Variants in C3orf49 observed in about 807,000 individuals in gnomAD.
C3orf49 encodes the protein chromosome 3 open reading frame 49.
C3orf49 carries 27 observed loss-of-function variants against 13.3 expected under a neutral mutation model. That is an observed-to-expected ratio of 2.02 (90% CI 1.49 to 2.79). The LOEUF is 2.79. Among genes scored for constraint, C3orf49 ranks in the 30% most tolerant of loss-of-function variants. The pLI, the probability that C3orf49 is intolerant of heterozygous loss-of-function variation, is 0.00. For missense variants in C3orf49, 242 were observed against 134.2 expected (o/e 1.80, Z -3.97); for synonymous variants, 87 against 47.6 (o/e 1.83, Z -3.40).
the C3orf49 span, among the ~76,000 whole-genome samples, chr3:63,797,470 C>A: frequency 6.6e-6 from 1 of 152,088 alleles, no homozygotes; most frequent in Admixed American, 6.6e-5. Flanking sequence ...GCTGTGAGAA[C>A]CCAGTAGAGT....
At chr3:63,814,621 A>G (rs2107084486), upstream of C3orf49, among the ~76,000 whole-genome samples, 1 of 152,248 alleles carries the variant, frequency 6.6e-6, no homozygotes, top group South Asian at 2.1e-4. Flanking sequence ...AGGGACATTT[A>G]CAAATGTCCG....
the C3orf49 span, among the ~76,000 whole-genome samples, chr3:63,787,732 T>C: frequency 2.6e-5 from 4 of 152,138 alleles, no homozygotes; most frequent in African/African-American, 9.7e-5. Flanking sequence ...TTAGATTCTT[T>C]TTCTGTTTGT....
intron 5 of C3orf49, chr3:63,833,549 G>C (rs1397077177): frequency 6.6e-6 from 1 of 152,114 alleles, no homozygotes; most frequent in Non-Finnish European, 1.5e-5. Context: ...TCATATTAAG[G>C]AGAGATATAT....
chr3:63,803,830 C>T, the C3orf49 span, among the ~76,000 whole-genome samples: 7 of 152,008 alleles, frequency 4.6e-5, no homozygotes, highest in Non-Finnish European at 8.8e-5. Context: ...ATTTACTGTG[C>T]ACTTTATTTC....
the C3orf49 span, among the ~76,000 whole-genome samples, chr3:63,814,286 C>T: frequency 3.3e-5 from 5 of 152,180 alleles, no homozygotes; most frequent in African/African-American, 1.2e-4. Context: ...TTTAAATGTG[C>T]GAGTCTTCTT....
At chr3:63,812,085 T>A in the C3orf49 span, among the ~76,000 whole-genome samples, 1 of 152,130 alleles carries the variant, frequency 6.6e-6, no homozygotes, top group South Asian at 2.1e-4. Context: ...TCTGGGAATG[T>A]GGGCTGAGTT....
chr3:63,817,145 C>T (rs1327064190), upstream of C3orf49, among the ~76,000 whole-genome samples: 1 of 152,014 alleles, frequency 6.6e-6, no homozygotes, highest in Non-Finnish European at 1.5e-5. Context: ...GTTTCATCTG[C>T]CTGGGTCACA....
the C3orf49 span, among the ~76,000 whole-genome samples, chr3:63,797,623 C>T: frequency 6.6e-6 from 1 of 152,110 alleles, no homozygotes; most frequent in Non-Finnish European, 1.5e-5. Flanking sequence ...TCTATGGTTC[C>T]AGAAGCTTCT....
chr3:63,824,041 TC>T (rs1701435475), intron 2 of C3orf49, among the ~76,000 whole-genome samples: 2 of 152,196 alleles, frequency 1.3e-5, no homozygotes, highest in South Asian at 4.2e-4. Flanking sequence ...CTTCAGGTGA[TC>T]CGTTCGCCTC....
chr3:63,803,581 A>G, the C3orf49 span, among the ~76,000 whole-genome samples: 1 of 152,194 alleles, frequency 6.6e-6, no homozygotes, highest in Non-Finnish European at 1.5e-5. Flanking sequence ...CATAAGCTTC[A>G]TGTTCACATT....
intron 5 of C3orf49, chr3:63,834,030 A>G (rs1326958066): frequency 8.8e-7 from 1 of 1,140,024 alleles, no homozygotes; most frequent in East Asian, 2.5e-5. Context: ...AGAGTATTTT[A>G]CTGCCAAAAC....
At chr3:63,836,774 C>T (rs189789991) in intron 5 of C3orf49, among the ~76,000 whole-genome samples, 17 of 151,948 alleles carry the variant, frequency 1.1e-4, no homozygotes, top group Admixed American at 3.3e-4. Context: ...CAGCAAATTA[C>T]ACTTCTCACT....
At chr3:63,811,329 C>T in the C3orf49 span, among the ~76,000 whole-genome samples, 2 of 150,594 alleles carry the variant, frequency 1.3e-5, no homozygotes, top group Non-Finnish European at 3.0e-5. Context: ...GAGGCCGAGG[C>T]GAGCGGATCA....
chr3:63,836,235 C>T (rs1383980857), intron 5 of C3orf49: 2 of 1,466,936 alleles, frequency 1.4e-6, no homozygotes, highest in Non-Finnish European at 1.9e-6. Context: ...AATGAAATGC[C>T]TACGGTAGTT....
chr3:63,790,597 TC>T, the C3orf49 span, among the ~76,000 whole-genome samples: 1 of 56,274 alleles, frequency 1.8e-5, no homozygotes, highest in African/African-American at 5.4e-5. Context: ...CACATCTACC[TC>T]TTTTTTTTTT....
chr3:63,808,264 T>C, the C3orf49 span, among the ~76,000 whole-genome samples: 1 of 152,218 alleles, frequency 6.6e-6, no homozygotes, highest in Non-Finnish European at 1.5e-5. Context: ...TCATAGAAAA[T>C]GTAGAGTTTC....
At chr3:63,839,823 G>T in intron 5 of C3orf49, 1 of 1,465,118 alleles carries the variant, frequency 6.8e-7, no homozygotes, top group Non-Finnish European at 9.5e-7. Context: ...TAACTTTCAA[G>T]TACAAATAAC....
chr3:63,809,089 A>G, the C3orf49 span, among the ~76,000 whole-genome samples: 1 of 152,228 alleles, frequency 6.6e-6, no homozygotes, highest in African/African-American at 2.4e-5. Flanking sequence ...TCTTTCCTGA[A>G]TCAAAAAATT....
At chr3:63,839,556 T>G (rs1484881984) in intron 5 of C3orf49, 1 of 996,826 alleles carries the variant, frequency 1.0e-6, no homozygotes, top group Non-Finnish European at 1.6e-6. Context: ...CCACTGTACA[T>G]TTAAGGTGAG....
Sources: gnomAD v4.1 joint callset for allele counts (sites outside exome capture counted in the v4.1 genomes callset) on GRCh38, gnomAD v4.1.1 for gene constraint, MANE v1.5 for transcripts, NCBI Gene and HGNC (gene_info 2026-07-23, HGNC 2026-07-21) for gene names.